The following TCF7L2 variants were observed in gnomAD, a reference collection of about 807,000 sequenced individuals.
The protein encoded by TCF7L2 is transcription factor 7 like 2.
A neutral mutation model predicts 77.9 loss-of-function variants in TCF7L2; 23 were observed. The observed-to-expected ratio is 0.30, with a 90% confidence interval of 0.21 to 0.42. The LOEUF is 0.42. Among genes scored for constraint, TCF7L2 ranks in the 10% least tolerant of loss-of-function variants. The pLI, the probability that TCF7L2 is intolerant of heterozygous loss-of-function variation, is 1.00. For missense variants in TCF7L2, 654 were observed against 793.1 expected (o/e 0.82, Z 2.11); for synonymous variants, 413 against 340.2 (o/e 1.21, Z -2.36).
At chr10:113,017,188 G>C (rs2047486652) in intron 4 of TCF7L2, among the ~76,000 whole-genome samples, 1 of 152,192 alleles carries the variant, frequency 6.6e-6, no homozygotes, top group African/African-American at 2.4e-5. Context: ...TAGTGACCCT[G>C]TGTTTAGTTG....
At chr10:112,974,526 T>C (rs2038985812) in intron 4 of TCF7L2, among the ~76,000 whole-genome samples, 1 of 152,148 alleles carries the variant, frequency 6.6e-6, no homozygotes, top group Non-Finnish European at 1.5e-5. Context: ...TCACTGCCAC[T>C]TCTGCCTCCT....
chr10:113,157,886 C>A, intron 11 of TCF7L2, 135 bp from the exon 12 acceptor site: 2 of 916,590 alleles, frequency 2.2e-6, no homozygotes, highest in Non-Finnish European at 3.4e-6. Context: ...GGAGGTTGGA[C>A]AAATACCGGG....
intron 5 of TCF7L2, among the ~76,000 whole-genome samples, chr10:113,134,462 T>C (rs2067098140): frequency 6.6e-6 from 1 of 152,142 alleles, no homozygotes; most frequent in Non-Finnish European, 1.5e-5. Flanking sequence ...GCTGGGGTCA[T>C]AGGCTGTTGG....
chr10:113,002,054 G>A (rs1435210704), intron 4 of TCF7L2, among the ~76,000 whole-genome samples: 2 of 152,150 alleles, frequency 1.3e-5, no homozygotes, highest in Non-Finnish European at 1.5e-5. Flanking sequence ...ATGATGATGA[G>A]AATTAAATGG....
intron 5 of TCF7L2, among the ~76,000 whole-genome samples, chr10:113,079,237 C>T (rs1467904606): frequency 6.6e-6 from 1 of 152,042 alleles, no homozygotes; most frequent in African/African-American, 2.4e-5. Context: ...TTGTTTTTAC[C>T]TGTTGTAAAT....
chr10:113,061,041 C>T (rs929682196), intron 5 of TCF7L2, among the ~76,000 whole-genome samples: 3 of 152,196 alleles, frequency 2.0e-5, no homozygotes, highest in Non-Finnish European at 4.4e-5. Context: ...TGGGAATCCA[C>T]GATCAAACTT....
chr10:112,990,533 C>G (rs2042341080), intron 4 of TCF7L2, among the ~76,000 whole-genome samples: 1 of 151,786 alleles, frequency 6.6e-6, no homozygotes, highest in Admixed American at 6.6e-5. Context: ...ATGGCAAAAC[C>G]CTGTCTCTAC....
chr10:112,995,281 C>T (rs776047921), intron 4 of TCF7L2, among the ~76,000 whole-genome samples: 3 of 152,110 alleles, frequency 2.0e-5, no homozygotes, highest in Non-Finnish European at 2.9e-5. Flanking sequence ...AGGCAAAGTT[C>T]GGCCTTACGT....
At position 112,964,597 on chromosome 10, in the gene TCF7L2, A is replaced by G; in HGVS notation, c.423A>G (p.Lys141=). The stretch of plus-strand genomic sequence containing the variant: ...GCAGCACACATTACTCTGCGTACAA[A>G]ACGATTGAACACCAGATTGCAGTTC... Residue 141 remains lysine (K), a synonymous_variant, in exon 4 of 14, where the codon AAA becomes AAG. Transcript: ENST00000627217. 6.2e-7 allele frequency: 1 copy of G among 1,613,412 alleles called. No homozygotes were observed. The highest frequency in any genetic ancestry group is 1.1e-5 in the South Asian group (1 of 91,074).
intron 8 of TCF7L2, among the ~76,000 whole-genome samples, chr10:113,147,907 C>T (rs1425961142): frequency 2.6e-5 from 4 of 152,034 alleles, no homozygotes; most frequent in Non-Finnish European, 4.4e-5. Context: ...GTTAGGGCCT[C>T]AAGGTGCGGG....
chr10:113,159,146 CTTT>C (rs142664442), intron 12 of TCF7L2, among the ~76,000 whole-genome samples: 1 of 148,760 alleles, frequency 6.7e-6, no homozygotes, highest in Non-Finnish European at 1.5e-5. Flanking sequence ...TTTTCCTTTG[CTTT>C]TTTTTATTTT....
rs140535733 is a variant in TCF7L2, at chr10:113,105,442, G to A, written c.553-35742G>A. ...TTCCATCTTCATGTGAATTGTCTTG[G>A]TAATGAGGCTGCCCAGGAAAGCCAT... On this transcript the variant is annotated intron_variant, in intron 5 of 13. Transcript: ENST00000627217. Among the ~76,000 whole-genome samples the A allele has an allele frequency of 4.6e-5, 7 of 152,260 alleles. No individual in the cohort carries two copies. The East Asian group carries it at 1.3e-3, about 29-fold the overall frequency.
rs996773207 is a variant in TCF7L2, at chr10:112,950,643, G to A, written c.-114G>A. The A allele has an allele frequency of 7.8e-7, 1 of 1,283,354 alleles. No homozygotes were observed. Among genetic ancestry groups the A allele is most frequent in the African/African-American group, 1.6e-5 (1 of 63,844 alleles). 79.5% of individuals were successfully genotyped at this position (1,283,354 alleles called of 1,614,324 possible). A position where few individuals can be genotyped will look rare whatever the true frequency, so the allele number is the denominator to read the frequency against. On this transcript the variant is annotated 5_prime_UTR_variant, in exon 1 of 14. Transcript: ENST00000627217. ...GCAGAAAAAAGTTCACCTTGGACTC[G>A]TCTTTTTCTTGCAATATTTTTTGGG...
chr10:113,098,777 C>T (rs1176770567), intron 5 of TCF7L2, among the ~76,000 whole-genome samples: 2 of 152,172 alleles, frequency 1.3e-5, no homozygotes, highest in Admixed American at 6.5e-5. Context: ...TTTTGGTCTC[C>T]TGTTCTACGA....
At position 113,091,721 on chromosome 10, in the gene TCF7L2, A is replaced by G. The variant is rs187691742; in HGVS notation, c.553-49463A>G. Among the ~76,000 whole-genome samples the G allele has an allele frequency of 5.3e-3, 800 of 152,304 alleles. 5 individuals carry two copies. The highest frequency in any genetic ancestry group is 5.7e-3 in the Non-Finnish European group (386 of 68,030). ...GGGCAACAGAGTGAGACTCCATCTC[A>G]AAATGTTTCTGGAGTCTTTCGGACT... On this transcript the variant is annotated intron_variant, in intron 5 of 13. Transcript: ENST00000627217.
intron 5 of TCF7L2, among the ~76,000 whole-genome samples, chr10:113,082,526 T>G (rs2059415624): frequency 6.6e-6 from 1 of 152,202 alleles, no homozygotes; most frequent in Non-Finnish European, 1.5e-5. Flanking sequence ...CTATTCATGA[T>G]GCCATATTTC....
intron 4 of TCF7L2, among the ~76,000 whole-genome samples, chr10:113,015,534 G>A (rs1339457021): frequency 4.7e-5 from 7 of 148,916 alleles, no homozygotes; most frequent in African/African-American, 1.7e-4. Flanking sequence ...ACTGCACACA[G>A]CTCACTGCAC....
chr10:113,070,266 A>ATTTATATATATATATATATATATATAT (rs953072031), intron 5 of TCF7L2, among the ~76,000 whole-genome samples: 1 of 96,464 alleles, frequency 1.0e-5, no homozygotes, highest in Non-Finnish European at 1.9e-5. Context: ...AAAAAAAAAA[A>ATTTATATATATATATATATATATATAT]ATTTATATAT....
rs774980385 is a variant in TCF7L2, at chr10:113,051,236, CACACACAG to C, written c.552+11116_552+11123del. Reference sequence around the variant, plus strand: ...ACACACACACACACACACACACACACACACACAGACACATACATATGCACACACCCCGA... The same window carrying C: ...ACACACACACACACACACACACACACACACATACATATGCACACACCCCGA... On this transcript the variant is annotated intron_variant, in intron 5 of 13. Transcript: ENST00000627217. Among the ~76,000 whole-genome samples the C allele has an allele frequency of 6.0e-4, 89 of 148,550 alleles. 1 individual carries two copies. The highest frequency in any genetic ancestry group is 3.4e-3 in the Middle Eastern group (1 of 292).
Sources: gnomAD v4.1 joint callset for allele counts (sites outside exome capture counted in the v4.1 genomes callset) on GRCh38, gnomAD v4.1.1 for gene constraint, MANE v1.5 for transcripts, NCBI Gene and HGNC (gene_info 2026-07-23, HGNC 2026-07-21) for gene names.